The following KAZN variants were observed in gnomAD, a reference collection of about 807,000 sequenced individuals.
The protein encoded by KAZN is kazrin.
In KAZN, 40 loss-of-function variants were observed where a neutral mutation model predicts 87.4. The observed-to-expected ratio is 0.46, with a 90% confidence interval of 0.36 to 0.60. The LOEUF (loss-of-function observed/expected upper bound fraction) is 0.60. Ranked by LOEUF, KAZN falls within the 20% of genes least tolerant of loss-of-function variation. The pLI, the probability that KAZN is intolerant of heterozygous loss-of-function variation, is 0.00. For synonymous variants in KAZN, 466 were observed against 458.3 expected (o/e 1.02, Z -0.22); for missense variants, 898 against 1,073.9 (o/e 0.84, Z 2.29).
chr1:14,947,189 G>T (rs968085125), intron 1 of KAZN, among the ~76,000 whole-genome samples: 13 of 152,248 alleles, frequency 8.5e-5, no homozygotes, highest in Admixed American at 8.5e-4. Flanking sequence ...TCCCTGTGTG[G>T]ATGGTGTCAT....
chr1:14,419,273 T>C (rs1047739675), intron 2 of KAZN, among the ~76,000 whole-genome samples: 2 of 152,146 alleles, frequency 1.3e-5, no homozygotes, highest in Non-Finnish European at 2.9e-5. Context: ...TCAGTGACTT[T>C]CCCAAAGTCA....
At chr1:15,092,455 GTT>G (rs748165305) in intron 8 of KAZN, among the ~76,000 whole-genome samples, 1 of 120,898 alleles carries the variant, frequency 8.3e-6, no homozygotes, top group Non-Finnish European at 2.1e-5. Context: ...GTTTTTATTT[GTT>G]TTGTTTTGTT....
chr1:14,559,321 C>G (rs987458788), intron 2 of KAZN, among the ~76,000 whole-genome samples: 1 of 152,118 alleles, frequency 6.6e-6, no homozygotes, highest in Non-Finnish European at 1.5e-5. Flanking sequence ...GGGCCTTTTC[C>G]CCTAACAAAC....
At chr1:14,883,474 T>C (rs2101116230) in intron 1 of KAZN, among the ~76,000 whole-genome samples, 1 of 147,412 alleles carries the variant, frequency 6.8e-6, no homozygotes, top group Middle Eastern at 3.4e-3. Flanking sequence ...TTCTTAGGAC[T>C]GGATGGAAGT....
intron 1 of KAZN, among the ~76,000 whole-genome samples, chr1:14,098,342 T>TG (rs1397683958): frequency 6.6e-6 from 1 of 152,062 alleles, no homozygotes; most frequent in Non-Finnish European, 1.5e-5. Flanking sequence ...AGCAGGGTTT[T>TG]TTTGCCCTAT....
intron 1 of KAZN, among the ~76,000 whole-genome samples, chr1:14,811,676 AT>A (rs928288919): frequency 1.3e-5 from 2 of 152,170 alleles, no homozygotes; most frequent in Admixed American, 6.5e-5. Context: ...CGTTGTTCTC[AT>A]TTTTTGTCTC....
intron 2 of KAZN, among the ~76,000 whole-genome samples, chr1:14,467,808 C>T (rs989110769): frequency 2.0e-5 from 3 of 152,060 alleles, no homozygotes; most frequent in Middle Eastern, 3.2e-3. Context: ...GGTGTTTCAG[C>T]CTCTCATGAT....
chr1:14,318,987 G>A (rs1188331328), intron 2 of KAZN, among the ~76,000 whole-genome samples: 2 of 150,068 alleles, frequency 1.3e-5, no homozygotes, highest in African/African-American at 4.9e-5. Context: ...TACTGTCTGG[G>A]CCTGTTTCTG....
intron 1 of KAZN, among the ~76,000 whole-genome samples, chr1:14,728,057 G>A (rs1033631293): frequency 4.0e-5 from 6 of 151,700 alleles, no homozygotes; most frequent in African/African-American, 7.3e-5. Flanking sequence ...AGGCCGAGAC[G>A]GGCGGATCAT....
intron 2 of KAZN, among the ~76,000 whole-genome samples, chr1:14,412,241 A>G (rs1263044731): frequency 6.6e-6 from 1 of 152,208 alleles, no homozygotes; most frequent in African/African-American, 2.4e-5. Context: ...AAACAAATGA[A>G]TCCCACTGTT....
At chr1:14,572,985 G>T (rs2148548079) in intron 2 of KAZN, among the ~76,000 whole-genome samples, 1 of 152,278 alleles carries the variant, frequency 6.6e-6, no homozygotes, top group Non-Finnish European at 1.5e-5. Context: ...TGTTCTATCT[G>T]TGGAAACCCT....
intron 1 of KAZN, among the ~76,000 whole-genome samples, chr1:13,964,612 C>G (rs1374945595): frequency 2.0e-5 from 3 of 152,192 alleles, no homozygotes; most frequent in African/African-American, 7.2e-5. Flanking sequence ...CCACCCCAGG[C>G]TTGCTTTCGT....
At chr1:14,193,499 A>AC (rs1352970512) in intron 2 of KAZN, among the ~76,000 whole-genome samples, 1 of 152,104 alleles carries the variant, frequency 6.6e-6, no homozygotes, top group Non-Finnish European at 1.5e-5. Flanking sequence ...AAAGGAACTT[A>AC]CCCTGCTACC....
intron 1 of KAZN, among the ~76,000 whole-genome samples, chr1:14,885,945 G>A (rs1200401013): frequency 6.6e-6 from 1 of 151,994 alleles, no homozygotes; most frequent in African/African-American, 2.4e-5. Context: ...CTTTGTCATG[G>A]GTACTGTCCT....
chr1:14,634,017 A>T (rs918424454), intron 1 of KAZN, among the ~76,000 whole-genome samples: 1 of 152,120 alleles, frequency 6.6e-6, no homozygotes, highest in Non-Finnish European at 1.5e-5. Context: ...GGGTCTCAAT[A>T]GCAGGGTCCA....
chr1:14,946,109 G>A (rs778565975), intron 1 of KAZN: 7 of 167,566 alleles, frequency 4.2e-5, no homozygotes, highest in Admixed American at 3.3e-4. Context: ...ACAGAGCCAG[G>A]ATTTGAACCA....
intron 1 of KAZN, among the ~76,000 whole-genome samples, chr1:14,161,479 CCT>C (rs1645708575): frequency 6.6e-6 from 1 of 152,192 alleles, no homozygotes; most frequent in Non-Finnish European, 1.5e-5. Context: ...ACCATGTGGA[CCT>C]TTTTACAAAG....
At position 14,992,777 on chromosome 1, in the gene KAZN, G is replaced by T. The variant is rs547216831; in HGVS notation, c.418+31902G>T. Among the ~76,000 whole-genome samples the T allele has an allele frequency of 2.6e-3, 389 of 152,050 alleles. 9 individuals carry two copies. Among genetic ancestry groups the T allele is most frequent in the South Asian group, 5.4e-3 (26 of 4,812 alleles). On this transcript the variant is annotated intron_variant, in intron 2 of 14. Coordinates refer to ENST00000376030, the MANE Select transcript of KAZN (RefSeq NM_201628.3). Reference sequence around the variant, plus strand: ...TCCTGCCTCAGCCTCCCAAGTAGCTGGGATTATAGGCGCCCACCAACACGC... The same window carrying T: ...TCCTGCCTCAGCCTCCCAAGTAGCTTGGATTATAGGCGCCCACCAACACGC...
intron 2 of KAZN, among the ~76,000 whole-genome samples, chr1:14,302,070 G>A (rs995412380): frequency 5.3e-5 from 8 of 152,168 alleles, no homozygotes; most frequent in Admixed American, 6.5e-5. Flanking sequence ...TACATGATGG[G>A]TACCTGGATA....
Sources: allele counts gnomAD v4.1 joint callset (sites outside exome capture counted in the v4.1 genomes callset), GRCh38; gene constraint gnomAD v4.1.1; transcripts MANE v1.5; gene names NCBI Gene and HGNC (gene_info 2026-07-23, HGNC 2026-07-21).